The following ADGRL4 variants were observed in gnomAD, a reference collection of about 807,000 sequenced individuals.
ADGRL4 encodes the protein adhesion G protein-coupled receptor L4, also known as EGF, latrophilin and seven transmembrane domain containing 1.
Under a neutral mutation model 74.8 loss-of-function variants are expected in ADGRL4, and 90 were observed. The observed-to-expected ratio is 1.20, with a 90% CI of 1.02 to 1.43. The LOEUF is 1.43. Among genes scored for constraint, ADGRL4 ranks in the 40% most tolerant of loss-of-function variants. The probability of loss-of-function intolerance (pLI) is 0.00; values close to 1 mark genes in which losing one functional copy is unlikely to be tolerated. For synonymous variants in ADGRL4, 311 were observed against 279.2 expected (o/e 1.11, Z -1.14); for missense variants, 881 against 814.3 (o/e 1.08, Z -1.00).
At chr1:78,935,058 G>A (rs7538347) in intron 7 of ADGRL4, among the ~76,000 whole-genome samples, 93,235 of 152,012 alleles carry the variant, frequency 0.61, 28,750 homozygotes, top group East Asian at 0.7. Flanking sequence ...TACTGGGTAT[G>A]TACCCAAAGG....
chr1:78,925,537 T>C (rs980853640), intron 8 of ADGRL4, among the ~76,000 whole-genome samples: 2 of 152,014 alleles, frequency 1.3e-5, no homozygotes, highest in African/African-American at 4.8e-5. Context: ...AGATATTACT[T>C]ATGAGATAGT....
At chr1:78,903,988 A>G (rs893640048) in intron 12 of ADGRL4, among the ~76,000 whole-genome samples, 7 of 150,162 alleles carry the variant, frequency 4.7e-5, no homozygotes, top group African/African-American at 1.7e-4. Flanking sequence ...TAATAATAAT[A>G]ATAATGTACT....
chr1:78,991,194 C>T lies in ADGRL4; in HGVS notation c.172+13876G>A, dbSNP rs1032379196. On this transcript the variant is annotated intron_variant, in intron 2 of 14. Coordinates refer to ENST00000370742, the MANE Select transcript of ADGRL4 (RefSeq NM_022159.4). ...CTTGTCCTTCAGAGGGCCAAAAGCA[C>T]GAAGTGCTAGATAAGCATGACCTAC... Among the ~76,000 whole-genome samples the T allele has an allele frequency of 7.2e-5, 11 of 152,008 alleles. No individual in the cohort carries two copies. In the South Asian group the frequency reaches 1.0e-3, roughly 14 times the overall value.
At chr1:78,967,757 G>T (rs1210893302) in intron 2 of ADGRL4, among the ~76,000 whole-genome samples, 1 of 151,910 alleles carries the variant, frequency 6.6e-6, no homozygotes, top group Non-Finnish European at 1.5e-5. Flanking sequence ...TCATTAATCT[G>T]CTCTTTGGCA....
chr1:78,968,805 G>T (rs1044418169), intron 2 of ADGRL4, among the ~76,000 whole-genome samples: 1 of 152,140 alleles, frequency 6.6e-6, no homozygotes, highest in Non-Finnish European at 1.5e-5. Context: ...ATTCACAGAC[G>T]ATTGTTATCT....
intron 2 of ADGRL4, among the ~76,000 whole-genome samples, chr1:78,963,421 A>G (rs1207428348): frequency 1.3e-5 from 2 of 152,138 alleles, no homozygotes; most frequent in Non-Finnish European, 2.9e-5. Flanking sequence ...GACCCTGCCT[A>G]GATTGGAGTA....
At chr1:78,979,948 G>A (rs1420056203) in intron 2 of ADGRL4, among the ~76,000 whole-genome samples, 1 of 151,866 alleles carries the variant, frequency 6.6e-6, no homozygotes, top group Non-Finnish European at 1.5e-5. Flanking sequence ...TACACTGCTT[G>A]AATCACAGGT....
At chr1:78,897,236 CT>C (rs1648417225) in intron 12 of ADGRL4, among the ~76,000 whole-genome samples, 1 of 152,158 alleles carries the variant, frequency 6.6e-6, no homozygotes, top group Admixed American at 6.6e-5. Context: ...GTCCCCTTCA[CT>C]ACTAGTTAAG....
At chr1:78,976,377 G>A (rs953536588) in intron 2 of ADGRL4, among the ~76,000 whole-genome samples, 1 of 151,494 alleles carries the variant, frequency 6.6e-6, no homozygotes, top group African/African-American at 2.4e-5. Context: ...AATAGAATTG[G>A]GCTTCAGTAT....
chr1:78,991,232 A>G (rs1254175424), intron 2 of ADGRL4, among the ~76,000 whole-genome samples: 1 of 152,044 alleles, frequency 6.6e-6, no homozygotes, highest in African/African-American at 2.4e-5. Flanking sequence ...TTTGGTTCTG[A>G]TGTTATATAC....
chr1:78,971,836 A>C (rs1439935369), intron 2 of ADGRL4, among the ~76,000 whole-genome samples: 1 of 152,166 alleles, frequency 6.6e-6, no homozygotes, highest in Non-Finnish European at 1.5e-5. Flanking sequence ...AGCCCACGGC[A>C]ACCTCCACCT....
chr1:78,973,541 G>A (rs903682147), intron 2 of ADGRL4, among the ~76,000 whole-genome samples: 1 of 150,646 alleles, frequency 6.6e-6, no homozygotes, highest in African/African-American at 2.4e-5. Context: ...TCTCCTAAGT[G>A]ATATACGATG....
chr1:78,935,334 A>G (rs1214366653), intron 7 of ADGRL4, among the ~76,000 whole-genome samples: 1 of 152,160 alleles, frequency 6.6e-6, no homozygotes, highest in Non-Finnish European at 1.5e-5. Context: ...GTTCTCACTC[A>G]TAAGTGGGAG....
At chr1:78,981,771 TTG>T (rs1650401515) in intron 2 of ADGRL4, among the ~76,000 whole-genome samples, 2 of 151,864 alleles carry the variant, frequency 1.3e-5, no homozygotes, top group Non-Finnish European at 2.9e-5. Context: ...TATATCTGTC[TTG>T]TGTTATGAAT....
intron 2 of ADGRL4, among the ~76,000 whole-genome samples, chr1:79,002,673 G>A (rs949582495): frequency 2.6e-5 from 4 of 152,056 alleles, no homozygotes; most frequent in African/African-American, 9.7e-5. Context: ...TTGAATCCAA[G>A]TCGGTTTGAT....
At chr1:78,908,095 A>G (rs981268638) in intron 12 of ADGRL4, among the ~76,000 whole-genome samples, 34 of 152,052 alleles carry the variant, frequency 2.2e-4, no homozygotes, top group Non-Finnish European at 4.0e-4. Flanking sequence ...TAAAGGGGAC[A>G]GAGGGATATG....
intron 2 of ADGRL4, among the ~76,000 whole-genome samples, chr1:78,972,845 A>C (rs1298520922): frequency 6.6e-6 from 1 of 152,144 alleles, no homozygotes; most frequent in Non-Finnish European, 1.5e-5. Flanking sequence ...GTGGTGTTCC[A>C]TCTGTTGTTG....
intron 8 of ADGRL4, among the ~76,000 whole-genome samples, chr1:78,923,810 A>G (rs913830283): frequency 6.6e-6 from 1 of 151,866 alleles, no homozygotes; most frequent in South Asian, 2.1e-4. Context: ...GGAATGAAAA[A>G]GTTTAAAAAC....
chr1:78,892,510 C>T (rs1229271032), intron 13 of ADGRL4, among the ~76,000 whole-genome samples: 1 of 151,968 alleles, frequency 6.6e-6, no homozygotes, highest in African/African-American at 2.4e-5. Flanking sequence ...TTATTAAAAC[C>T]AGTACACTAC....
Sources: gnomAD v4.1 joint callset for allele counts (sites outside exome capture counted in the v4.1 genomes callset) on GRCh38, gnomAD v4.1.1 for gene constraint, MANE v1.5 for transcripts, NCBI Gene and HGNC (gene_info 2026-07-23, HGNC 2026-07-21) for gene names.